Variants in UQCRC2 observed in about 807,000 individuals in gnomAD.
UQCRC2 encodes cytochrome b-c1 complex subunit 2, mitochondrial.
Under a neutral mutation model 55.6 loss-of-function variants are expected in UQCRC2, and 49 were observed. The ratio of observed to expected loss-of-function variants is 0.88; its 90% CI spans 0.70 to 1.12. UQCRC2 has a LOEUF of 1.12. Among genes scored for constraint, UQCRC2 ranks in the 50% most tolerant of loss-of-function variants. The probability of loss-of-function intolerance (pLI) is 0.00; values close to 1 mark genes in which losing one functional copy is unlikely to be tolerated. For synonymous variants in UQCRC2, 193 were observed against 192.0 expected, an observed-to-expected ratio of 1.01 and a Z score of -0.04; for missense variants, 506 against 547.8, an observed-to-expected ratio of 0.92 and a Z score of 0.76.
chr16:21,973,797 A>G, intron 10 of UQCRC2, 99 bp from the exon 11 acceptor site: 1 of 1,007,002 alleles, frequency 9.9e-7, no homozygotes. Flanking sequence ...TATTTTGTTT[A>G]TACCGTGAAG....
At chr16:21,958,384 T>A (rs1825128594) in intron 3 of UQCRC2, 151 bp from the exon 4 acceptor site, 2 of 704,986 alleles carry the variant, frequency 2.8e-6, no homozygotes, top group Admixed American at 6.2e-5. Flanking sequence ...AGCTTTTTGT[T>A]GAGCCTTGTT....
At chr16:21,981,581 C>G (rs1015708331) in intron 13 of UQCRC2, among the ~76,000 whole-genome samples, 1 of 151,930 alleles carries the variant, frequency 6.6e-6, no homozygotes, top group Admixed American at 6.6e-5. Flanking sequence ...TAGCAAAACC[C>G]CATCTCTACA....
rs1336838227 is a variant in UQCRC2 at position 21,957,338 on chromosome 16, T to G, written c.117+20T>G. ...CTTGAGGTTAGTCCCACTAACTTGC[T>G]CGCTGGAAGCTATACATGCCTTACT... On this transcript the variant is annotated intron_variant, in intron 2 of 13. Coordinates refer to ENST00000268379, the MANE Select transcript of UQCRC2 (RefSeq NM_003366.4). The G allele has an allele frequency of 1.9e-6, 3 of 1,614,068 alleles. No individual in the cohort carries two copies.
chr16:21,963,906 TTAATTTTTTTAA>T (rs1010304905), intron 6 of UQCRC2, among the ~76,000 whole-genome samples: 1 of 152,232 alleles, frequency 6.6e-6, no homozygotes, highest in Non-Finnish European at 1.5e-5. Context: ...AGTAAGTAAC[TTAATTTTTTTAA>T]TAGGAATCTT....
Position 21,980,690 on chromosome 16 carries a change from A to G in UQCRC2, c.1268A>G (p.Asp423Gly). 6.2e-7 allele frequency: 1 copy of G among 1,613,026 alleles called. No individual in the cohort carries two copies. The highest frequency in any genetic ancestry group is 8.5e-7 in the Non-Finnish European group (1 of 1,179,746). ...CAGATTGATTCAGTGGCTAATGCTG[A>G]TATCATAAATGTAAGTAAATGAAAA... ...LQQIDSVANADIINAAKKFVS... is the reference protein window; with the variant it reads ...LQQIDSVANAGIINAAKKFVS... The change falls in exon 13 of 14, where the codon GAT becomes GGT. Residue 423 changes from aspartate to glycine, a missense_variant. Coordinates refer to ENST00000268379, the MANE Select transcript of UQCRC2 (RefSeq NM_003366.4).
At chr16:21,977,748 T>C (rs1344285498) in intron 12 of UQCRC2, among the ~76,000 whole-genome samples, 2 of 152,250 alleles carry the variant, frequency 1.3e-5, no homozygotes, top group Non-Finnish European at 2.9e-5. Flanking sequence ...GTGGTCGTTA[T>C]GATCATTTAG....
At chr16:21,962,991 A>ATT in intron 6 of UQCRC2, 106 bp downstream of exon 6, 1 of 1,352,314 alleles carries the variant, frequency 7.4e-7, no homozygotes, top group Non-Finnish European at 9.8e-7. Context: ...TTTTATTTTT[A>ATT]TTTATTTATT....
chr16:21,957,395 C>G (rs762918517), intron 2 of UQCRC2, 22 bp from the exon 3 acceptor site: 6 of 1,613,804 alleles, frequency 3.7e-6, no homozygotes, highest in African/African-American at 1.3e-5. Flanking sequence ...TTCATTATAT[C>G]TCTACTTTAT....
chr16:21,971,699 C>T (rs1314352684), intron 9 of UQCRC2, 79 bp downstream of exon 9: 7 of 1,449,360 alleles, frequency 4.8e-6, no homozygotes, highest in Non-Finnish European at 6.7e-6. Context: ...GTGGAATAGG[C>T]CTGAATATTT....
intron 12 of UQCRC2, chr16:21,977,080 G>A (rs775649255): frequency 1.2e-4 from 19 of 152,220 alleles, no homozygotes; most frequent in African/African-American, 4.3e-4. Context: ...TTGACTAGGC[G>A]CAGTTGCTCA....
In UQCRC2 at chr16:21,976,160, G is replaced by C. The variant is rs9924667; in HGVS notation, c.1048-7G>C. On this transcript the variant is annotated splice_region_variant and splice_polypyrimidine_tract_variant and intron_variant, in intron 11 of 13. Transcript: ENST00000268379. ...CACAGATGACCAACTTTTCTTATCT[G>C]TCCTAGGTTATCAAGGCTGCCTATA... 6.0e-3 allele frequency: 9,621 copies of C among 1,612,954 alleles called. 523 individuals are homozygous for C. In the African/African-American group the frequency reaches 0.11, roughly 19 times the overall value.
At chr16:21,972,453 C>T (rs1353492870) in intron 10 of UQCRC2, among the ~76,000 whole-genome samples, 1 of 152,188 alleles carries the variant, frequency 6.6e-6, no homozygotes, top group Non-Finnish European at 1.5e-5. Context: ...TCTAGATTTT[C>T]TTCTGTCCGC....
At position 21,958,533 on chromosome 16, in the gene UQCRC2, A is replaced by G. The variant is rs1391116076; in HGVS notation, c.268-2A>G. ...AAAGATAATCATTCTTTCTTTTTCAAGACGACAAAAGGAGCTTCATCTTTC... is the reference window on the plus strand; with the variant it reads ...AAAGATAATCATTCTTTCTTTTTCAGGACGACAAAAGGAGCTTCATCTTTC... On this transcript the variant is annotated splice_acceptor_variant, in intron 3 of 13. Transcript: ENST00000268379. LOFTEE classifies it high-confidence loss of function. 3 of 1,611,884 alleles carry G rather than the reference A, an allele frequency of 1.9e-6. No individual in the cohort carries two copies. Among genetic ancestry groups the G allele is most frequent in the African/African-American group, 1.3e-5 (1 of 74,906 alleles).
chr16:21,983,179 G>T lies in UQCRC2; in HGVS notation c.*8G>T. ...TTTGTTGATGAGTTGTAATACTGAT[G>T]CACACATTACAGGAGAGAGCTGAAC... On this transcript the variant is annotated 3_prime_UTR_variant, in exon 14 of 14. Coordinates refer to ENST00000268379, the MANE Select transcript of UQCRC2 (RefSeq NM_003366.4). 6.2e-7 allele frequency: 1 copy of T among 1,612,328 alleles called. No homozygotes were observed. The highest frequency in any genetic ancestry group is 1.1e-5 in the South Asian group (1 of 91,016).
intron 13 of UQCRC2, among the ~76,000 whole-genome samples, 199 bp from the exon 14 acceptor site, chr16:21,982,889 G>GGGAGGC (rs1412001705): frequency 5.9e-5 from 9 of 151,422 alleles, no homozygotes; most frequent in Admixed American, 6.6e-5. Context: ...GCTTGAACCT[G>GGGAGGC]GGAGGCGGAG....
chr16:21,975,556 T>C (rs762073101), intron 11 of UQCRC2, among the ~76,000 whole-genome samples: 1 of 152,168 alleles, frequency 6.6e-6, no homozygotes, highest in Non-Finnish European at 1.5e-5. Context: ...ATTCAACAAA[T>C]ATTTACCAAG....
At chr16:21,962,190 T>G in intron 4 of UQCRC2, 1 of 421,694 alleles carries the variant, frequency 2.4e-6, no homozygotes, top group Non-Finnish European at 4.3e-6. Flanking sequence ...CCTTTGTGAC[T>G]GGCTTATTAT....
chr16:21,957,843 G>A (rs760571106), intron 3 of UQCRC2, among the ~76,000 whole-genome samples: 2 of 152,180 alleles, frequency 1.3e-5, no homozygotes, highest in East Asian at 3.9e-4. Flanking sequence ...CCTGTTCCTA[G>A]CTTCCAGCAG....
In UQCRC2 at chr16:21,976,183, A is replaced by G. The variant is rs1297552873; in HGVS notation, c.1064A>G (p.Tyr355Cys). The G allele has an allele frequency of 1.2e-6, 2 of 1,614,042 alleles. No individual in the cohort carries two copies. The highest frequency in any genetic ancestry group is 1.3e-5 in the African/African-American group (1 of 75,052). Reference protein sequence around the residue: ...TAAGDVIKAAYNQVKTIAQGN... With the variant: ...TAAGDVIKAACNQVKTIAQGN... ...CTGTCCTAGGTTATCAAGGCTGCCT[A>G]TAATCAAGTAAAAACAATAGCTCAA... is the stretch of plus-strand genomic sequence containing the variant. The change falls in exon 12 of 14, where the codon TAT (tyrosine) becomes TGT (cysteine). Residue 355 changes from tyrosine to cysteine, a missense_variant. Coordinates refer to ENST00000268379, the MANE Select transcript of UQCRC2 (RefSeq NM_003366.4).
Sources: gnomAD v4.1 joint callset for allele counts (sites outside exome capture counted in the v4.1 genomes callset) on GRCh38, gnomAD v4.1.1 for gene constraint, MANE v1.5 for transcripts, NCBI Gene and HGNC (gene_info 2026-07-23, HGNC 2026-07-21) for gene names.